Variants in CACNA1C observed in about 807,000 individuals in gnomAD.
CACNA1C encodes voltage-dependent L-type calcium channel subunit alpha-1C.
Under a neutral mutation model 229.0 loss-of-function variants are expected in CACNA1C, and 30 were observed. That is an observed-to-expected ratio of 0.13 (90% CI 0.10 to 0.18). The LOEUF (loss-of-function observed/expected upper bound fraction) is 0.18. Ranked by LOEUF, CACNA1C falls within the 10% of genes least tolerant of loss-of-function variation. The pLI, the probability that CACNA1C is intolerant of heterozygous loss-of-function variation, is 1.00. For missense variants in CACNA1C, 1,658 were observed against 2,845.0 expected (o/e 0.58, Z 9.49); for synonymous variants, 1,114 against 1,132.5 (o/e 0.98, Z 0.33).
chr12:2,053,457 G>C lies in CACNA1C; in HGVS notation c.-106G>C. On this transcript the variant is annotated 5_prime_UTR_variant, in exon 1 of 47. Coordinates refer to ENST00000399655, the MANE Select transcript of CACNA1C (RefSeq NM_000719.7). This position sits in a 1 kb window ranked among gnomAD's most constrained non-coding sequence, Gnocchi z 5.8. ...ACCACGGCTTCCTCGAATCTTGCGC[G>C]AAAGCCGCCGGCCTCGGAGGAGGGA... is the stretch of plus-strand genomic sequence containing the variant. The C allele has an allele frequency of 6.8e-7, 1 of 1,480,044 alleles. No individual in the cohort carries two copies. The highest frequency in any genetic ancestry group is 2.7e-5 in the East Asian group (1 of 37,380). The allele number at this position is 1,480,044 out of a possible 1,614,324, so 91.7% of individuals were successfully genotyped here.
At position 2,216,097 on chromosome 12, in the gene CACNA1C, AC is replaced by A. The variant is rs560098018; in HGVS notation, c.477+95669del. Among the ~76,000 whole-genome samples, 423 of 152,264 alleles carry A rather than the reference AC, an allele frequency of 2.8e-3. 2 individuals are homozygous for A. The highest frequency in any genetic ancestry group is 0.01 in the African/African-American group (416 of 41,558). The stretch of plus-strand genomic sequence containing the variant: ...AGCAAAGACAGAACTGGGCAAAACC[AC>A]CAGAGGTCCCTGGGGCACGCCAATT... On this transcript the variant is annotated intron_variant, in intron 3 of 46. Coordinates refer to ENST00000399655, the MANE Select transcript of CACNA1C (RefSeq NM_000719.7).
chr12:2,592,065 C>T (rs547583693), intron 18 of CACNA1C, among the ~76,000 whole-genome samples: 1 of 152,322 alleles, frequency 6.6e-6, no homozygotes, highest in East Asian at 1.9e-4. Flanking sequence ...CAAATAAGGT[C>T]ACATTGCAAA....
At chr12:2,137,831 G>C (rs113230887) in intron 3 of CACNA1C, among the ~76,000 whole-genome samples, 2,079 of 151,478 alleles carry the variant, frequency 0.014, 132 homozygotes, top group Non-Finnish European at 0.018. Context: ...GAGTGGTGTG[G>C]CTGCAACCTG....
intron 1 of CACNA1C, among the ~76,000 whole-genome samples, chr12:2,069,151 C>G (rs1484722488): frequency 6.6e-6 from 1 of 152,178 alleles, no homozygotes; most frequent in Non-Finnish European, 1.5e-5. Context: ...GGACTCAGCT[C>G]TTCTTCAGAG....
chr12:2,525,644 C>T (rs2099817337), intron 9 of CACNA1C, among the ~76,000 whole-genome samples: 1 of 120,684 alleles, frequency 8.3e-6, no homozygotes, highest in East Asian at 2.2e-4. Context: ...GCAACTCAGC[C>T]TATTAAATCC....
chr12:2,503,237 C>T (rs775400799), intron 7 of CACNA1C, among the ~76,000 whole-genome samples: 11 of 152,092 alleles, frequency 7.2e-5, no homozygotes, highest in Non-Finnish European at 1.5e-4. Context: ...AACAGGTCCC[C>T]AGGTGACGCT....
chr12:1,997,310 C>T (rs745609171), intron 1 of CACNA1C, among the ~76,000 whole-genome samples: 7 of 152,130 alleles, frequency 4.6e-5, no homozygotes, highest in Middle Eastern at 3.2e-3. Flanking sequence ...GGGTGGATCA[C>T]GAGGTCAGGA....
At chr12:2,071,172 C>CCCTGCCTGCCTGCCTGCCTGCCTGCCTG (rs767264073) in intron 1 of CACNA1C, among the ~76,000 whole-genome samples, 1 of 16,042 alleles carries the variant, frequency 6.2e-5, no homozygotes, top group African/African-American at 3.9e-4. Context: ...CTCCCTCCCT[C>CCCTGCCTGCCTGCCTGCCTGCCTGCCTG]CCTGCCTGCC....
intron 3 of CACNA1C, among the ~76,000 whole-genome samples, chr12:2,401,802 T>G (rs1471613733): frequency 6.6e-6 from 1 of 152,250 alleles, no homozygotes; most frequent in Non-Finnish European, 1.5e-5. Context: ...CACTGAATGT[T>G]GTAAAATAAT....
At chr12:2,183,038 A>T (rs1245548378) in intron 3 of CACNA1C, among the ~76,000 whole-genome samples, 1 of 151,992 alleles carries the variant, frequency 6.6e-6, no homozygotes, top group Non-Finnish European at 1.5e-5. Flanking sequence ...AAAAATTATT[A>T]TTTTTAGTAT....
rs2091455559 is a variant in CACNA1C, at chr12:2,633,477, TGCTCCTGG to T, written c.3829-811_3829-804del. On this transcript the variant is annotated intron_variant, in intron 29 of 46. Transcript: ENST00000399655. The surrounding 1 kb of genome is among the most constrained non-coding windows in gnomAD (Gnocchi z 5.8). The stretch of plus-strand genomic sequence containing the variant: ...CTCCCTGCTGCTCCTTCCTTGCTGG[TGCTCCTGG>T]GCTCCTGGCCATGGTGAGGGCGTCC... Among the ~76,000 whole-genome samples, 1 of 152,250 alleles carries T rather than the reference TGCTCCTGG, an allele frequency of 6.6e-6. No homozygotes were observed. Among genetic ancestry groups the T allele is most frequent in the South Asian group, 2.1e-4 (1 of 4,816 alleles).
chr12:2,169,921 G>A (rs1011770518), intron 3 of CACNA1C, among the ~76,000 whole-genome samples: 3 of 152,192 alleles, frequency 2.0e-5, no homozygotes, highest in African/African-American at 7.2e-5. Flanking sequence ...TGCTCCATCT[G>A]GGGACTGTGG....
At chr12:2,606,920 T>TG (rs2153432666) in intron 25 of CACNA1C, 64 bp from the exon 26 acceptor site, 1 of 1,575,034 alleles carries the variant, frequency 6.3e-7, no homozygotes, top group Admixed American at 1.7e-5. Flanking sequence ...TCAAGGTCAC[T>TG]GGCAGGCCAG....
chr12:2,440,108 C>A (rs888936194), intron 3 of CACNA1C, among the ~76,000 whole-genome samples: 1 of 152,162 alleles, frequency 6.6e-6, no homozygotes, highest in Non-Finnish European at 1.5e-5. Flanking sequence ...AAGAATGCTT[C>A]TTTTTTTATT....
At chr12:2,071,172 C>CCCTT (rs1555115765) in intron 1 of CACNA1C, among the ~76,000 whole-genome samples, 2 of 16,046 alleles carry the variant, frequency 1.2e-4, no homozygotes, top group Admixed American at 6.3e-4. Flanking sequence ...CTCCCTCCCT[C>CCCTT]CCTGCCTGCC....
chr12:2,321,012 T>C (rs2239044), intron 3 of CACNA1C, among the ~76,000 whole-genome samples: 13,682 of 152,228 alleles, frequency 0.09, 665 homozygotes, highest in South Asian at 0.14. Context: ...TGTAAGGCAA[T>C]GGATGGCTGA....
chr12:2,335,459 A>G (rs1472700062), intron 3 of CACNA1C, among the ~76,000 whole-genome samples: 1 of 152,000 alleles, frequency 6.6e-6, no homozygotes, highest in Non-Finnish European at 1.5e-5. Flanking sequence ...AACCTTAAAC[A>G]TAATGTAGAA....
At position 2,597,162 on chromosome 12, in the gene CACNA1C, C is replaced by A; in HGVS notation, c.2794-68C>A. 1.0e-6 allele frequency: 1 copy of A among 985,010 alleles called. No homozygotes were observed. Among genetic ancestry groups the A allele is most frequent in the Admixed American group, 1.8e-5 (1 of 55,530 alleles). The allele number at this position is 985,010 out of a possible 1,614,324, so 61.0% of individuals were successfully genotyped here. ...CCCTTTTCTGGTGAACATCCACTGA[C>A]CTCTCTTCCCGTCCTGCTTTTCTCC... On this transcript the variant is annotated intron_variant, in intron 20 of 46. Coordinates refer to ENST00000399655, the MANE Select transcript of CACNA1C (RefSeq NM_000719.7). The surrounding 1 kb of genome is among the most constrained non-coding windows in gnomAD (Gnocchi z 4.3).
At chr12:2,574,547 G>T (rs1222417336) in intron 13 of CACNA1C, among the ~76,000 whole-genome samples, 1 of 152,184 alleles carries the variant, frequency 6.6e-6, no homozygotes, top group Non-Finnish European at 1.5e-5. Context: ...TGAAATGGGA[G>T]CTGGGGCTGA....
Sources: allele counts gnomAD v4.1 joint callset (sites outside exome capture counted in the v4.1 genomes callset), GRCh38; gene constraint gnomAD v4.1.1; non-coding constraint Gnocchi (gnomAD v3.1); transcripts MANE v1.5; gene names NCBI Gene and HGNC (gene_info 2026-07-23, HGNC 2026-07-21).